Variants in RAP1GAP2 observed in about 807,000 individuals in gnomAD.
RAP1GAP2 encodes the protein rap1 GTPase-activating protein 2.
Under a neutral mutation model 95.0 loss-of-function variants are expected in RAP1GAP2, and 27 were observed. That is an observed-to-expected ratio of 0.28 (90% CI 0.21 to 0.39). The LOEUF is 0.39. Among genes scored for constraint, RAP1GAP2 ranks in the 10% least tolerant of loss-of-function variants. RAP1GAP2 has a pLI of 1.00. For missense variants in RAP1GAP2, 771 were observed against 970.0 expected (o/e 0.79, Z 2.72); for synonymous variants, 373 against 380.9 (o/e 0.98, Z 0.24).
intron 2 of RAP1GAP2, among the ~76,000 whole-genome samples, chr17:2,842,636 G>T (rs2071418241): frequency 6.6e-6 from 1 of 151,942 alleles, no homozygotes; most frequent in Non-Finnish European, 1.5e-5. Flanking sequence ...TAAAAGCCGT[G>T]GGTGCCCTAA....
intron 2 of RAP1GAP2, among the ~76,000 whole-genome samples, chr17:2,884,404 G>C (rs9891321): frequency 7.3e-6 from 1 of 136,854 alleles, no homozygotes; most frequent in Admixed American, 7.9e-5. Context: ...ACAGAATCTC[G>C]CTCTGTTGCC....
At chr17:2,851,738 C>G (rs1217224241) in intron 2 of RAP1GAP2, among the ~76,000 whole-genome samples, 4 of 152,112 alleles carry the variant, frequency 2.6e-5, no homozygotes, top group Non-Finnish European at 5.9e-5. Context: ...TCCCAATTCC[C>G]TGTTGTAGTT....
intron 13 of RAP1GAP2, among the ~76,000 whole-genome samples, chr17:2,996,514 T>C (rs183178723): frequency 4.6e-5 from 7 of 152,282 alleles, no homozygotes; most frequent in Non-Finnish European, 5.9e-5. Context: ...AACGAGATGA[T>C]GAGTTGGCTC....
chr17:2,961,778 T>C (rs1457676285), intron 4 of RAP1GAP2, among the ~76,000 whole-genome samples: 1 of 152,070 alleles, frequency 6.6e-6, no homozygotes, highest in Non-Finnish European at 1.5e-5. Context: ...GCACCAGGCC[T>C]CCTGCCTGTC....
chr17:2,953,522 T>C (rs961298481), intron 3 of RAP1GAP2, among the ~76,000 whole-genome samples: 11 of 152,202 alleles, frequency 7.2e-5, no homozygotes, highest in African/African-American at 2.4e-4. Context: ...TATTGAGATA[T>C]AATTTACGTA....
intron 3 of RAP1GAP2, among the ~76,000 whole-genome samples, chr17:2,951,318 C>A (rs2043917137): frequency 6.6e-6 from 1 of 152,254 alleles, no homozygotes; most frequent in African/African-American, 2.4e-5. Flanking sequence ...CCAGTGATTT[C>A]TCTTGATCCT....
At chr17:2,933,116 G>T (rs1029841029) in intron 3 of RAP1GAP2, among the ~76,000 whole-genome samples, 11 of 152,232 alleles carry the variant, frequency 7.2e-5, no homozygotes, top group African/African-American at 2.4e-4. Flanking sequence ...CAGTGGGCAG[G>T]AGAGGGCGGG....
chr17:3,016,606 C>T (rs995939691), intron 17 of RAP1GAP2, among the ~76,000 whole-genome samples: 6 of 152,352 alleles, frequency 3.9e-5, no homozygotes, highest in East Asian at 3.9e-4. Flanking sequence ...CTACACATCT[C>T]GACTTTCCTG....
chr17:2,826,044 C>T (rs149587656), intron 2 of RAP1GAP2, among the ~76,000 whole-genome samples: 4,482 of 147,706 alleles, frequency 0.03, 166 homozygotes, highest in East Asian at 0.15. Flanking sequence ...GCAGTGGTGC[C>T]ATCTCGGCTC....
intron 22 of RAP1GAP2, among the ~76,000 whole-genome samples, chr17:3,028,166 TC>T (rs1280829227): frequency 6.6e-6 from 1 of 152,018 alleles, no homozygotes. Flanking sequence ...CGTGTCTGCC[TC>T]AGAGGGTTGG....
At chr17:2,886,172 T>TATATATA (rs528532502) in intron 2 of RAP1GAP2, among the ~76,000 whole-genome samples, 8 of 82,220 alleles carry the variant, frequency 9.7e-5, no homozygotes, top group South Asian at 2.9e-4. Flanking sequence ...TATATATATA[T>TATATATA]TTTTTTTTTT....
intron 2 of RAP1GAP2, among the ~76,000 whole-genome samples, chr17:2,881,919 C>T (rs1489986307): frequency 1.3e-5 from 2 of 152,074 alleles, no homozygotes; most frequent in African/African-American, 2.4e-5. Flanking sequence ...CTCCCGGGTT[C>T]ACGCCATTCT....
intron 1 of RAP1GAP2, among the ~76,000 whole-genome samples, chr17:2,799,564 A>G (rs1295416993): frequency 6.6e-6 from 1 of 152,176 alleles, no homozygotes; most frequent in Non-Finnish European, 1.5e-5. Context: ...GGTCTCCAGC[A>G]TGCTGGAGCC....
chr17:2,865,926 C>T (rs750919377), intron 2 of RAP1GAP2, among the ~76,000 whole-genome samples: 32 of 152,356 alleles, frequency 2.1e-4, no homozygotes, highest in Non-Finnish European at 3.5e-4. Context: ...GTGTCCCAAA[C>T]GTTCATTCAC....
At chr17:2,772,855 C>CTTTCTT (rs1555540245), upstream of RAP1GAP2, among the ~76,000 whole-genome samples, 67 of 126,024 alleles carry the variant, frequency 5.3e-4, 1 homozygote, top group South Asian at 2.6e-3. Context: ...TTCTTTCTTT[C>CTTTCTT]TTTTTTTTTT....
At chr17:2,976,009 C>T (rs539436010) in intron 8 of RAP1GAP2, among the ~76,000 whole-genome samples, 5 of 152,268 alleles carry the variant, frequency 3.3e-5, no homozygotes, top group East Asian at 1.9e-4. Context: ...CCTGATGTTC[C>T]GTGAACACGC....
intron 2 of RAP1GAP2, among the ~76,000 whole-genome samples, chr17:2,865,782 T>C (rs942955944): frequency 1.3e-5 from 2 of 152,126 alleles, no homozygotes; most frequent in Admixed American, 1.3e-4. Context: ...CCGAGATGCC[T>C]GGCTTCCACA....
chr17:2,925,541 G>T (rs576544718), intron 3 of RAP1GAP2, among the ~76,000 whole-genome samples: 23 of 152,176 alleles, frequency 1.5e-4, no homozygotes, highest in South Asian at 4.1e-4. Flanking sequence ...CGCTCCACTC[G>T]TGGGGATTAC....
upstream of RAP1GAP2, among the ~76,000 whole-genome samples, chr17:2,772,860 T>TTC (rs1567637205): frequency 2.5e-3 from 366 of 145,164 alleles, 1 homozygote; most frequent in African/African-American, 8.8e-3. Flanking sequence ...TCTTTCTTTT[T>TTC]TTTTTTTTTT....
Sources: gnomAD v4.1 joint callset for allele counts (sites outside exome capture counted in the v4.1 genomes callset) on GRCh38, gnomAD v4.1.1 for gene constraint, MANE v1.5 for transcripts, NCBI Gene and HGNC (gene_info 2026-07-23, HGNC 2026-07-21) for gene names.